The following WWOX variants were observed in gnomAD, a reference collection of about 807,000 sequenced individuals.
WWOX encodes the protein WW domain-containing oxidoreductase.
Under a neutral mutation model 46.2 loss-of-function variants are expected in WWOX, and 69 were observed. That is an observed-to-expected ratio of 1.49 (90% CI 1.23 to 1.82). The LOEUF (loss-of-function observed/expected upper bound fraction) is 1.82. Among genes scored for constraint, WWOX ranks in the 40% most tolerant of loss-of-function variants. WWOX has a pLI of 0.00. For synonymous variants in WWOX, 359 were observed against 202.6 expected, an observed-to-expected ratio of 1.77 and a Z score of -6.56; for missense variants, 919 against 542.6, an observed-to-expected ratio of 1.69 and a Z score of -6.89.
chr16:78,758,456 G>C (rs533668058), intron 8 of WWOX, among the ~76,000 whole-genome samples: 11 of 152,290 alleles, frequency 7.2e-5, no homozygotes, highest in South Asian at 6.2e-4. Context: ...CCATAAATTG[G>C]TTAGGCATGT....
intron 5 of WWOX, among the ~76,000 whole-genome samples, chr16:78,352,362 G>C (rs140559662): frequency 6.6e-6 from 1 of 152,230 alleles, no homozygotes; most frequent in Non-Finnish European, 1.5e-5. Context: ...ATAGGTCTCA[G>C]TGGGCTAAAA....
At chr16:78,116,830 G>C (rs915874357) in intron 4 of WWOX, among the ~76,000 whole-genome samples, 2 of 152,186 alleles carry the variant, frequency 1.3e-5, no homozygotes, top group African/African-American at 2.4e-5. Context: ...CTTCTAGCTA[G>C]ACTCTTTTTC....
intron 8 of WWOX, among the ~76,000 whole-genome samples, chr16:78,794,172 C>T (rs1597620479): frequency 6.6e-6 from 1 of 152,102 alleles, no homozygotes; most frequent in South Asian, 2.1e-4. Flanking sequence ...CCAGAAGCTG[C>T]CTTGCTTCTT....
Position 78,720,121 on chromosome 16 carries a change from G to C in WWOX, c.1056+287369G>C, listed in dbSNP as rs375978690. Among the ~76,000 whole-genome samples the C allele has an allele frequency of 3.6e-4, 55 of 152,138 alleles. 1 individual carries two copies. The highest frequency in any genetic ancestry group is 1.3e-3 in the African/African-American group (52 of 41,518). On this transcript the variant is annotated intron_variant, in intron 8 of 8. Transcript: ENST00000566780. Reference sequence around the variant, plus strand: ...TTGAAATGCCTCACTCTTGCTTCTTGGTCTTACTGACAATATTCCTTCTTG... The same window carrying C: ...TTGAAATGCCTCACTCTTGCTTCTTCGTCTTACTGACAATATTCCTTCTTG...
chr16:78,517,196 C>A (rs1597200023), intron 8 of WWOX, among the ~76,000 whole-genome samples: 2 of 152,240 alleles, frequency 1.3e-5, no homozygotes, highest in South Asian at 4.1e-4. Flanking sequence ...CTGCAATTGA[C>A]ATATCAAGGA....
intron 1 of WWOX, among the ~76,000 whole-genome samples, chr16:78,103,568 C>A (rs968258399): frequency 5.9e-5 from 9 of 152,072 alleles, no homozygotes; most frequent in Non-Finnish European, 8.8e-5. Flanking sequence ...CATCCTAACC[C>A]GACATTCCCT....
At chr16:78,829,391 G>A (rs747665294) in intron 8 of WWOX, among the ~76,000 whole-genome samples, 10 of 152,142 alleles carry the variant, frequency 6.6e-5, no homozygotes, top group Non-Finnish European at 1.0e-4. Context: ...GCCTTCAACA[G>A]ATTAGATGAG....
chr16:79,011,830 G>A (rs1597274472), intron 8 of WWOX, among the ~76,000 whole-genome samples: 1 of 151,986 alleles, frequency 6.6e-6, no homozygotes, highest in Admixed American at 6.6e-5. Flanking sequence ...AAACTCTTTT[G>A]TGTTTTAGAA....
chr16:78,529,699 C>T (rs780295323), intron 8 of WWOX, among the ~76,000 whole-genome samples: 4 of 151,794 alleles, frequency 2.6e-5, no homozygotes, highest in African/African-American at 4.8e-5. Context: ...GATCTCCTGA[C>T]CTCGTGATCC....
intron 8 of WWOX, among the ~76,000 whole-genome samples, chr16:79,209,152 CA>C (rs2051624812): frequency 6.6e-6 from 1 of 152,130 alleles, no homozygotes; most frequent in African/African-American, 2.4e-5. Context: ...TTAGGCTTTT[CA>C]AAAAGGTATG....
intron 5 of WWOX, among the ~76,000 whole-genome samples, chr16:78,303,074 G>C (rs2080069823): frequency 6.6e-6 from 1 of 152,172 alleles, no homozygotes; most frequent in African/African-American, 2.4e-5. Flanking sequence ...TTAAAACAGG[G>C]AGTCCAGCAG....
At chr16:78,956,999 C>CT (rs1280041566) in intron 8 of WWOX, among the ~76,000 whole-genome samples, 2 of 152,044 alleles carry the variant, frequency 1.3e-5, no homozygotes, top group African/African-American at 4.8e-5. Flanking sequence ...TTCCTGGCAG[C>CT]TTGAGGACTC....
At chr16:79,048,785 C>A (rs980858991) in intron 8 of WWOX, among the ~76,000 whole-genome samples, 9 of 152,196 alleles carry the variant, frequency 5.9e-5, no homozygotes, top group Admixed American at 5.9e-4. Flanking sequence ...CTCGTTACCA[C>A]CTTTCTGAGA....
intron 8 of WWOX, among the ~76,000 whole-genome samples, chr16:79,012,215 G>A (rs1433181988): frequency 6.6e-6 from 1 of 152,096 alleles, no homozygotes; most frequent in Non-Finnish European, 1.5e-5. Flanking sequence ...GTGGCACTTG[G>A]CATGCAACTA....
chr16:78,101,358 T>TTTTTTTTTTTTTTTTTTTTTTTTC (rs2031771942), intron 1 of WWOX, among the ~76,000 whole-genome samples: 1 of 137,348 alleles, frequency 7.3e-6, no homozygotes, highest in Non-Finnish European at 1.6e-5. Flanking sequence ...TTTTTTTTTT[T>TTTTTTTTTTTTTTTTTTTTTTTTC]TTTTTAAAGA....
At chr16:78,123,444 T>TTG (rs2033207814) in intron 4 of WWOX, 1 of 57,304 alleles carries the variant, frequency 1.7e-5, no homozygotes, top group Non-Finnish European at 3.1e-5. Context: ...TGTTTTGTTT[T>TTG]TTTTTTTTTT....
chr16:78,236,643 TAA>T (rs757842096), intron 5 of WWOX, among the ~76,000 whole-genome samples: 4 of 152,168 alleles, frequency 2.6e-5, no homozygotes, highest in Non-Finnish European at 5.9e-5. Context: ...TCAAGCAGGA[TAA>T]GACACTAGTA....
chr16:78,637,504 C>T lies in WWOX; in HGVS notation c.1056+204752C>T, dbSNP rs149403637. Among the ~76,000 whole-genome samples the T allele has an allele frequency of 2.4e-4, 37 of 152,236 alleles. No individual in the cohort carries two copies. The East Asian group carries it at 7.0e-3, about 29-fold the overall frequency. The stretch of plus-strand genomic sequence containing the variant: ...GATGAGGCTTTTAAAGATACCCAGC[C>T]AATGGTCCACAGTGATGTAACTCAT... On this transcript the variant is annotated intron_variant, in intron 8 of 8. Transcript: ENST00000566780.
intron 8 of WWOX, among the ~76,000 whole-genome samples, chr16:78,675,926 G>A (rs372388524): frequency 8.6e-5 from 13 of 151,868 alleles, no homozygotes; most frequent in African/African-American, 3.1e-4. Context: ...TAAAGAAGTG[G>A]GAAAAAATTT....
Sources: allele counts gnomAD v4.1 joint callset (sites outside exome capture counted in the v4.1 genomes callset), GRCh38; gene constraint gnomAD v4.1.1; transcripts MANE v1.5; gene names NCBI Gene and HGNC (gene_info 2026-07-23, HGNC 2026-07-21).